The following JAM3 variants were observed in gnomAD, a reference collection of about 807,000 sequenced individuals.
JAM3 encodes the protein junctional adhesion molecule C.
Under a neutral mutation model 39.4 loss-of-function variants are expected in JAM3, and 31 were observed. The observed-to-expected ratio is 0.79, with a 90% CI of 0.59 to 1.06. The LOEUF (loss-of-function observed/expected upper bound fraction) is 1.06, where lower values mean the gene tolerates loss of function less well. JAM3 is among the 50% of genes least tolerant of loss of function. JAM3 has a pLI of 0.00. For missense variants in JAM3, 455 were observed against 391.4 expected (o/e 1.16, Z -1.37); for synonymous variants, 182 against 148.7 (o/e 1.22, Z -1.63).
chr11:134,145,299 T>G (rs1943052278), intron 5 of JAM3: 4 of 480,142 alleles, frequency 8.3e-6, no homozygotes, highest in Admixed American at 3.4e-5. Context: ...TCGGGGAAAT[T>G]GGATTACTAG....
chr11:134,111,906 C>T (rs1273672212), intron 1 of JAM3, among the ~76,000 whole-genome samples: 1 of 152,188 alleles, frequency 6.6e-6, no homozygotes, highest in East Asian at 1.9e-4. Context: ...AGTGTGCTCA[C>T]AGGATCCAAA....
At chr11:134,113,200 T>G (rs1160469443) in intron 1 of JAM3, among the ~76,000 whole-genome samples, 3 of 69,246 alleles carry the variant, frequency 4.3e-5, no homozygotes, top group African/African-American at 1.4e-4. Flanking sequence ...GACTGTCTGG[T>G]TTTTTTTTTT....
At chr11:134,108,453 G>T (rs989280992) in intron 1 of JAM3, among the ~76,000 whole-genome samples, 1 of 152,152 alleles carries the variant, frequency 6.6e-6, no homozygotes, top group African/African-American at 2.4e-5. Flanking sequence ...GAATTACCCT[G>T]ATATCAAAAC....
chr11:134,087,306 T>C (rs960211014), intron 1 of JAM3, among the ~76,000 whole-genome samples: 2 of 152,140 alleles, frequency 1.3e-5, no homozygotes, highest in Non-Finnish European at 2.9e-5. Flanking sequence ...ACAAATAAAG[T>C]ATTTCTGTTT....
intron 1 of JAM3, among the ~76,000 whole-genome samples, chr11:134,118,100 G>A (rs1942470884): frequency 6.6e-6 from 1 of 152,122 alleles, no homozygotes; most frequent in Admixed American, 6.6e-5. Flanking sequence ...TTATGCTCAG[G>A]GCAAATATTA....
chr11:134,069,699 C>A (rs1356519262), intron 1 of JAM3, among the ~76,000 whole-genome samples: 1 of 152,172 alleles, frequency 6.6e-6, no homozygotes, highest in Non-Finnish European at 1.5e-5. Context: ...GCTGGAAGAC[C>A]CTGCGCAGCA....
At chr11:134,115,643 T>C (rs1214643849) in intron 1 of JAM3, among the ~76,000 whole-genome samples, 1 of 152,130 alleles carries the variant, frequency 6.6e-6, no homozygotes, top group Non-Finnish European at 1.5e-5. Flanking sequence ...GGCTAATGCC[T>C]GTAATCCCAG....
chr11:134,118,988 TAC>T (rs1942487281), intron 1 of JAM3, among the ~76,000 whole-genome samples: 1 of 144,314 alleles, frequency 6.9e-6, no homozygotes, highest in African/African-American at 2.7e-5. Context: ...TTTTTTTTGA[TAC>T]AGAGTCTTGC....
At chr11:134,101,662 G>T (rs185415291) in intron 1 of JAM3, among the ~76,000 whole-genome samples, 1 of 152,184 alleles carries the variant, frequency 6.6e-6, no homozygotes, top group South Asian at 2.1e-4. Context: ...ACTACCACAA[G>T]TATTGCCTTT....
Position 134,149,070 on chromosome 11 carries a change from T to A in JAM3, c.898-76T>A, listed in dbSNP as rs1159820833. The A allele has an allele frequency of 4.5e-6, 7 of 1,538,840 alleles. No homozygotes were observed. In the East Asian group the frequency reaches 9.0e-5, roughly 20 times the overall value. On this transcript the variant is annotated intron_variant, in intron 8 of 8. Transcript: ENST00000299106. ...GATTATTCCATCTGTATTTAGCCCATGTTAGACTTACTCCGTGTTTTTCCC... is the reference window on the plus strand; with the variant it reads ...GATTATTCCATCTGTATTTAGCCCAAGTTAGACTTACTCCGTGTTTTTCCC...
chr11:134,088,412 AT>A (rs1941781325), intron 1 of JAM3, among the ~76,000 whole-genome samples: 1 of 150,794 alleles, frequency 6.6e-6, no homozygotes, highest in South Asian at 2.1e-4. Flanking sequence ...TTTATTTTTT[AT>A]TTTTTTAAAT....
intron 1 of JAM3, among the ~76,000 whole-genome samples, chr11:134,121,541 A>G (rs1942532288): frequency 1.3e-5 from 2 of 151,984 alleles, no homozygotes; most frequent in South Asian, 4.1e-4. Context: ...GTTTGGTTTT[A>G]AATCAGGCTG....
intron 1 of JAM3, among the ~76,000 whole-genome samples, chr11:134,114,168 C>T (rs544451670): frequency 6.6e-6 from 1 of 152,120 alleles, no homozygotes; most frequent in Non-Finnish European, 1.5e-5. Flanking sequence ...ATGGTAGTTT[C>T]TTTTGCTGTG....
At chr11:134,134,598 G>T (rs1439739734) in intron 1 of JAM3, among the ~76,000 whole-genome samples, 2 of 152,200 alleles carry the variant, frequency 1.3e-5, no homozygotes, top group African/African-American at 2.4e-5. Context: ...AGCTTTTCAT[G>T]GTGGCTGCAC....
intron 3 of JAM3, among the ~76,000 whole-genome samples, chr11:134,142,213 G>A (rs1942987573): frequency 6.6e-6 from 1 of 152,180 alleles, no homozygotes; most frequent in South Asian, 2.1e-4. Flanking sequence ...GAGGCCGAGG[G>A]AGACGGTTTC....
chr11:134,126,164 C>T (rs538477645), intron 1 of JAM3, among the ~76,000 whole-genome samples: 1 of 152,132 alleles, frequency 6.6e-6, no homozygotes, highest in African/African-American at 2.4e-5. Flanking sequence ...GGACAACTGT[C>T]CATAAAGGTA....
At chr11:134,101,928 G>T (rs1172686056) in intron 1 of JAM3, among the ~76,000 whole-genome samples, 1 of 152,078 alleles carries the variant, frequency 6.6e-6, no homozygotes, top group Admixed American at 6.6e-5. Flanking sequence ...TTAGGTGTGG[G>T]GTACACATCT....
chr11:134,111,612 T>C (rs1942313111), intron 1 of JAM3, among the ~76,000 whole-genome samples: 1 of 152,132 alleles, frequency 6.6e-6, no homozygotes, highest in South Asian at 2.1e-4. Flanking sequence ...AGCATTCAGT[T>C]TTTGGCCCTG....
intron 6 of JAM3, chr11:134,148,287 C>T (rs1039379494): frequency 1.9e-6 from 1 of 523,840 alleles, no homozygotes; most frequent in African/African-American, 1.9e-5. Flanking sequence ...GTGCCAAGCC[C>T]ACTTTAATAC....
Sources: gnomAD v4.1 joint callset for allele counts (sites outside exome capture counted in the v4.1 genomes callset) on GRCh38, gnomAD v4.1.1 for gene constraint, MANE v1.5 for transcripts, NCBI Gene and HGNC (gene_info 2026-07-23, HGNC 2026-07-21) for gene names.